Variants in PIEZO2 observed in about 807,000 individuals in gnomAD.
PIEZO2 encodes the protein piezo type mechanosensitive ion channel component 2.
Under a neutral mutation model 337.3 loss-of-function variants are expected in PIEZO2, and 172 were observed. The ratio of observed to expected loss-of-function variants is 0.51; its 90% CI spans 0.45 to 0.58. The LOEUF (loss-of-function observed/expected upper bound fraction) is 0.58, where lower values mean the gene tolerates loss of function less well. PIEZO2 is among the 20% of genes least tolerant of loss of function. PIEZO2 has a pLI of 0.00. For synonymous variants in PIEZO2, 1,251 were observed against 1,228.5 expected (o/e 1.02, Z -0.38); for missense variants, 3,028 against 3,391.3 (o/e 0.89, Z 2.66).
intron 2 of PIEZO2, among the ~76,000 whole-genome samples, chr18:10,985,973 C>A (rs1443267596): frequency 6.6e-6 from 1 of 151,900 alleles, no homozygotes; most frequent in African/African-American, 2.4e-5. Context: ...CTATACACTG[C>A]CTACAAGGAA....
intron 7 of PIEZO2, among the ~76,000 whole-genome samples, chr18:10,811,749 TAACA>T (rs1485213951): frequency 6.6e-6 from 1 of 152,266 alleles, no homozygotes; most frequent in Non-Finnish European, 1.5e-5. Flanking sequence ...TACTGGCTAT[TAACA>T]AACATTTTGA....
At chr18:11,063,234 G>C (rs1185170605) in intron 2 of PIEZO2, among the ~76,000 whole-genome samples, 1 of 138,530 alleles carries the variant, frequency 7.2e-6, no homozygotes, top group Non-Finnish European at 1.5e-5. Flanking sequence ...TGAACAATGA[G>C]AACACATGGA....
intron 1 of PIEZO2, among the ~76,000 whole-genome samples, chr18:11,074,698 A>G (rs1026453382): frequency 6.6e-6 from 1 of 152,226 alleles, no homozygotes; most frequent in South Asian, 2.1e-4. Context: ...ACAATTTACA[A>G]TGTGTCAATA....
intron 4 of PIEZO2, among the ~76,000 whole-genome samples, chr18:10,880,752 C>T (rs909157691): frequency 6.7e-6 from 1 of 150,204 alleles, no homozygotes; most frequent in Non-Finnish European, 1.5e-5. Flanking sequence ...TGTCTTTAGT[C>T]ACTTGGCTTC....
chr18:11,092,662 A>G lies in PIEZO2; in HGVS notation c.65-26440T>C, dbSNP rs1396324690. Among the ~76,000 whole-genome samples, 5 of 152,252 alleles carry G rather than the reference A, an allele frequency of 3.3e-5. No individual in the cohort carries two copies. Among genetic ancestry groups the G allele is most frequent in the African/African-American group, 1.2e-4 (5 of 41,480 alleles). On this transcript the variant is annotated intron_variant, in intron 1 of 55. Transcript: ENST00000674853. This position sits in a 1 kb window ranked among gnomAD's most constrained non-coding sequence, Gnocchi z 4.5. ...GTAATTGGACAAGGCAACCTGATCC[A>G]AACCTTGGATCCTGAAAAATGTGAA...
rs1485482646 is a variant in PIEZO2 at position 10,762,590 on chromosome 18, C to T, written c.3159G>A (p.Glu1053=). 1 of 1,537,412 alleles carries T rather than the reference C, an allele frequency of 6.5e-7. No homozygotes were observed. The highest frequency in any genetic ancestry group is 2.4e-5 in the East Asian group (1 of 40,916). ...CGCTGTAGAGCAGAGACTTGTTCAACTCATTAAAGGGGATGTTTGTTTGAT... is the reference window on the plus strand; with the variant it reads ...CGCTGTAGAGCAGAGACTTGTTCAATTCATTAAAGGGGATGTTTGTTTGAT... ...NENQTNIPFN[E]LNKSLLYSAP... The change falls in exon 23 of 56, where the codon GAG becomes GAA. Residue 1053 remains glutamate (E), a synonymous_variant. Transcript: ENST00000674853.
At position 10,750,035 on chromosome 18, in the gene PIEZO2, T is replaced by C. The variant is rs1831025917; in HGVS notation, c.4264+56A>G. On this transcript the variant is annotated intron_variant, in intron 29 of 55. Coordinates refer to ENST00000674853, the MANE Select transcript of PIEZO2 (RefSeq NM_001378183.1). The surrounding 1 kb of genome is among the most constrained non-coding windows in gnomAD (Gnocchi z 4.1). ...TGGCCCACTTTTAAAACTAGAACAATACAACTATCCTCCCTCTTCTGCCTT... is the reference window on the plus strand; with the variant it reads ...TGGCCCACTTTTAAAACTAGAACAACACAACTATCCTCCCTCTTCTGCCTT... 1 of 1,335,922 alleles carries C rather than the reference T, an allele frequency of 7.5e-7. No individual in the cohort carries two copies. Among genetic ancestry groups the C allele is most frequent in the Non-Finnish European group, 1.0e-6 (1 of 963,790 alleles). 82.8% of individuals were successfully genotyped at this position (1,335,922 alleles called of 1,614,324 possible).
chr18:11,036,978 G>A (rs2036943839), intron 2 of PIEZO2, among the ~76,000 whole-genome samples: 1 of 152,028 alleles, frequency 6.6e-6, no homozygotes, highest in Non-Finnish European at 1.5e-5. Context: ...GTTTGCATGT[G>A]TGTGTGTGAC....
At chr18:10,764,266 A>G (rs2038261467) in intron 21 of PIEZO2, among the ~76,000 whole-genome samples, 2 of 152,226 alleles carry the variant, frequency 1.3e-5, no homozygotes, top group African/African-American at 4.8e-5. Context: ...CTCTCATTTG[A>G]TACAACTAAA....
At chr18:10,719,763 A>T (rs1052026164) in intron 36 of PIEZO2, among the ~76,000 whole-genome samples, 1 of 152,158 alleles carries the variant, frequency 6.6e-6, no homozygotes, top group African/African-American at 2.4e-5. Flanking sequence ...TTAGTTCTTT[A>T]AGAAATCTTC....
At chr18:11,054,412 A>C (rs933959065) in intron 2 of PIEZO2, among the ~76,000 whole-genome samples, 1 of 152,266 alleles carries the variant, frequency 6.6e-6, no homozygotes, top group African/African-American at 2.4e-5. Context: ...ACATAAGCAC[A>C]GGACTAGAGT....
chr18:11,107,317 A>T (rs1199197466), intron 1 of PIEZO2, among the ~76,000 whole-genome samples: 1 of 152,240 alleles, frequency 6.6e-6, no homozygotes, highest in Non-Finnish European at 1.5e-5. Context: ...TTGTTCTGAA[A>T]GTATGAGCAA....
chr18:10,717,046 A>G (rs1210229425), intron 37 of PIEZO2, among the ~76,000 whole-genome samples: 1 of 152,158 alleles, frequency 6.6e-6, no homozygotes, highest in African/African-American at 2.4e-5. Context: ...TTAAGAGCAC[A>G]CACTCTGGAT....
In PIEZO2 at chr18:11,045,295, CAAAAAAAAAAAAAAA is replaced by C. The variant is rs58924653; in HGVS notation, c.160+20817_160+20831del. On this transcript the variant is annotated intron_variant, in intron 2 of 55. Coordinates refer to ENST00000674853, the MANE Select transcript of PIEZO2 (RefSeq NM_001378183.1). ...TGGGCGACAGAGTGAGACTCCGTCT[CAAAAAAAAAAAAAAA>C]AAAAAAAAAAAGAGAAAACCTATTT... Among the ~76,000 whole-genome samples, 75 of 52,346 alleles carry C rather than the reference CAAAAAAAAAAAAAAA, an allele frequency of 1.4e-3. 1 individual carries two copies. The highest frequency in any genetic ancestry group is 2.7e-3 in the East Asian group (3 of 1,102). 34.3% of individuals were successfully genotyped at this position (52,346 alleles called of 152,430 possible).
chr18:10,896,160 G>A (rs777322266), intron 4 of PIEZO2, among the ~76,000 whole-genome samples: 29 of 152,074 alleles, frequency 1.9e-4, no homozygotes, highest in Admixed American at 2.6e-4. Flanking sequence ...GTATTCCTGG[G>A]GACTGGGAGC....
chr18:10,946,213 A>C (rs1399354449), intron 3 of PIEZO2, among the ~76,000 whole-genome samples: 1 of 152,244 alleles, frequency 6.6e-6, no homozygotes, highest in East Asian at 1.9e-4. Flanking sequence ...AAATCTTAAC[A>C]GCAGCCAGAG....
intron 3 of PIEZO2, among the ~76,000 whole-genome samples, chr18:10,975,095 TA>T (rs2034392839): frequency 6.6e-6 from 1 of 152,210 alleles, no homozygotes; most frequent in South Asian, 2.1e-4. Flanking sequence ...GAAAAAGGAA[TA>T]GAATAATCCC....
rs1555631512 is a variant in PIEZO2 at position 10,720,234 on chromosome 18, G to GCATATATATATATATATATATATATA, written c.5030-1976_5030-1975insTATATATATATATATATATATATATG. ...TATATATGAATATATGTGTGTGTGT[G>GCATATATATATATATATATATATATA]TATATATATATATATGGAGCCCAGG... On this transcript the variant is annotated intron_variant, in intron 36 of 55. Transcript: ENST00000674853. Among the ~76,000 whole-genome samples the GCATATATATATATATATATATATATA allele has an allele frequency of 1.8e-4, 22 of 119,914 alleles. 1 individual carries two copies. Among genetic ancestry groups the GCATATATATATATATATATATATATA allele is most frequent in the African/African-American group, 7.4e-4 (22 of 29,912 alleles). The allele number at this position is 119,914 out of a possible 152,430, so 78.7% of individuals were successfully genotyped here. A position where few individuals can be genotyped will look rare whatever the true frequency, so the allele number is the denominator to read the frequency against.
At chr18:11,066,067 C>A in intron 2 of PIEZO2, 60 bp downstream of exon 2, 1 of 1,372,086 alleles carries the variant, frequency 7.3e-7, no homozygotes, top group Non-Finnish European at 1.0e-6. Context: ...TCCCAAGGAG[C>A]CCAGCAAAAT....
Sources: gnomAD v4.1 joint callset for allele counts (sites outside exome capture counted in the v4.1 genomes callset) on GRCh38, gnomAD v4.1.1 for gene constraint, Gnocchi (gnomAD v3.1) non-coding constraint, MANE v1.5 for transcripts, NCBI Gene and HGNC (gene_info 2026-07-23, HGNC 2026-07-21) for gene names.